FGF12: variants seen among roughly 807,000 people sequenced by gnomAD.
The protein encoded by FGF12 is fibroblast growth factor 12.
FGF12 carries 14 observed loss-of-function variants against 23.6 expected under a neutral mutation model. That is an observed-to-expected ratio of 0.59 (90% CI 0.39 to 0.93). FGF12 has a LOEUF of 0.93. Ranked by LOEUF, FGF12 falls within the 40% of genes least tolerant of loss-of-function variation. The pLI is 0.00. For missense variants in FGF12, 175 were observed against 217.8 expected, an observed-to-expected ratio of 0.80 and a Z score of 1.24; for synonymous variants, 62 against 77.3, an observed-to-expected ratio of 0.80 and a Z score of 1.04.
At chr3:192,724,107 G>A (rs934184592) in intron 2 of FGF12, among the ~76,000 whole-genome samples, 7 of 148,804 alleles carry the variant, frequency 4.7e-5, no homozygotes, top group South Asian at 2.1e-4. Context: ...AAGGAAGGAA[G>A]GAAAGAAGGA....
Position 192,251,760 on chromosome 3 carries a change from A to T in FGF12, c.229-81104T>A, listed in dbSNP as rs114665703. Among the ~76,000 whole-genome samples the T allele has an allele frequency of 6.6e-3, 1,007 of 152,280 alleles. 4 individuals carry two copies. The highest frequency in any genetic ancestry group is 0.023 in the African/African-American group (964 of 41,556). On this transcript the variant is annotated intron_variant, in intron 4 of 5. Coordinates refer to ENST00000445105, the MANE Select transcript of FGF12 (RefSeq NM_004113.6). ...AGATACAAATGGCCCATATAGTATG[A>T]TCCTATTTATATAAAGTTCAAAAAC...
chr3:192,623,610 G>A (rs1715053701), intron 2 of FGF12, among the ~76,000 whole-genome samples: 1 of 152,168 alleles, frequency 6.6e-6, no homozygotes, highest in South Asian at 2.1e-4. Context: ...TATGAATGAA[G>A]GAAACCAGAC....
chr3:192,402,445 C>T (rs1720804067), intron 2 of FGF12, among the ~76,000 whole-genome samples: 1 of 152,192 alleles, frequency 6.6e-6, no homozygotes, highest in African/African-American at 2.4e-5. Flanking sequence ...GACTCTAGAC[C>T]ACACACACAG....
rs1720346654 is a variant in FGF12 at position 192,392,591 on chromosome 3, CG to C, written c.14-32054del. ...AGCCTGGGCAACAAAAGTGAAACTC[CG>C]AGAGAGAGAGAGAGAGAGAGAGAGA... On this transcript the variant is annotated intron_variant, in intron 2 of 5. Coordinates refer to ENST00000445105, the MANE Select transcript of FGF12 (RefSeq NM_004113.6). Among the ~76,000 whole-genome samples, 195 of 41,872 alleles carry C rather than the reference CG, an allele frequency of 4.7e-3. 2 individuals are homozygous for C. Among genetic ancestry groups the C allele is most frequent in the African/African-American group, 0.022 (188 of 8,456 alleles). 27.5% of individuals were successfully genotyped at this position (41,872 alleles called of 152,430 possible). A position where few individuals can be genotyped will look rare whatever the true frequency, so the allele number is the denominator to read the frequency against.
chr3:192,324,358 C>T (rs747312098), intron 4 of FGF12, among the ~76,000 whole-genome samples: 1 of 151,992 alleles, frequency 6.6e-6, no homozygotes, highest in Non-Finnish European at 1.5e-5. Context: ...GAGATTAATC[C>T]TACAGAAACT....
At chr3:192,505,685 A>G (rs1724270144) in intron 2 of FGF12, among the ~76,000 whole-genome samples, 1 of 152,218 alleles carries the variant, frequency 6.6e-6, no homozygotes, top group South Asian at 2.1e-4. Flanking sequence ...TTTAAATAAT[A>G]TAAACACATG....
chr3:192,577,053 C>T (rs1457162435), intron 2 of FGF12, among the ~76,000 whole-genome samples: 11 of 151,854 alleles, frequency 7.2e-5, no homozygotes, highest in Non-Finnish European at 1.2e-4. Flanking sequence ...CAGGGCCTGT[C>T]GGCGGGTGGG....
At chr3:192,311,445 T>C (rs760860616) in intron 4 of FGF12, among the ~76,000 whole-genome samples, 1 of 152,220 alleles carries the variant, frequency 6.6e-6, no homozygotes, top group Non-Finnish European at 1.5e-5. Context: ...ATTTTCATGG[T>C]TCAATCTTAT....
intron 2 of FGF12, among the ~76,000 whole-genome samples, chr3:192,392,414 A>AAGATAAATAAAT (rs1720333186): frequency 7.0e-6 from 1 of 143,644 alleles, no homozygotes; most frequent in Non-Finnish European, 1.5e-5. Flanking sequence ...CTAAAAATAA[A>AAGATAAATAAAT]AAATAAATAA....
At chr3:192,550,093 G>A (rs184852825) in intron 2 of FGF12, among the ~76,000 whole-genome samples, 4 of 151,662 alleles carry the variant, frequency 2.6e-5, no homozygotes, top group Admixed American at 6.6e-5. Flanking sequence ...ATGTGTATAT[G>A]TGTGAGTGTG....
chr3:192,631,325 T>C (rs1483328851), intron 2 of FGF12, among the ~76,000 whole-genome samples: 2 of 152,184 alleles, frequency 1.3e-5, no homozygotes, highest in East Asian at 3.8e-4. Flanking sequence ...GTCCTCACAC[T>C]CCTCTAGCAT....
chr3:192,348,943 T>C (rs748572450), intron 3 of FGF12, among the ~76,000 whole-genome samples: 2 of 152,140 alleles, frequency 1.3e-5, no homozygotes, highest in Non-Finnish European at 2.9e-5. Flanking sequence ...AGTAAACAGT[T>C]ACTATTATCT....
At chr3:192,218,110 A>G (rs1718288174) in intron 4 of FGF12, among the ~76,000 whole-genome samples, 1 of 152,204 alleles carries the variant, frequency 6.6e-6, no homozygotes, top group African/African-American at 2.4e-5. Context: ...TGGGATTACA[A>G]GCGTCAGCCA....
At chr3:192,256,751 TTTA>T (rs1413940450) in intron 4 of FGF12, among the ~76,000 whole-genome samples, 2 of 152,174 alleles carry the variant, frequency 1.3e-5, no homozygotes, top group African/African-American at 4.8e-5. Flanking sequence ...CAAGTATGGT[TTTA>T]TTTGATGTAA....
rs1005029245 is a variant in FGF12 at position 192,449,215 on chromosome 3, T to C, written c.14-88677A>G. Among the ~76,000 whole-genome samples the C allele has an allele frequency of 9.8e-5, 15 of 152,310 alleles. No individual in the cohort carries two copies. In the East Asian group the frequency reaches 2.5e-3, roughly 25 times the overall value. ...TCTGTTCTTTGCAGCAAACACAATA[T>C]TAAGCTTTGTCACTAGAGGGTGCTG... On this transcript the variant is annotated intron_variant, in intron 2 of 5. Transcript: ENST00000445105.
intron 4 of FGF12, among the ~76,000 whole-genome samples, chr3:192,218,494 G>C (rs908709278): frequency 6.6e-6 from 1 of 152,110 alleles, no homozygotes; most frequent in African/African-American, 2.4e-5. Context: ...TGATCTGGTT[G>C]TTTAAAATTG....
At chr3:192,199,167 A>G (rs1717232619) in intron 4 of FGF12, among the ~76,000 whole-genome samples, 1 of 152,184 alleles carries the variant, frequency 6.6e-6, no homozygotes, top group African/African-American at 2.4e-5. Context: ...TCTTGGCCTC[A>G]CTTATTCATA....
chr3:192,260,072 C>T (rs1416379632), intron 4 of FGF12, among the ~76,000 whole-genome samples: 2 of 152,130 alleles, frequency 1.3e-5, no homozygotes, highest in African/African-American at 4.8e-5. Flanking sequence ...GATCTTCTGT[C>T]ACTTGAAGCA....
At chr3:192,242,620 CATA>C (rs776286516) in intron 4 of FGF12, among the ~76,000 whole-genome samples, 9 of 151,774 alleles carry the variant, frequency 5.9e-5, no homozygotes, top group Non-Finnish European at 1.3e-4. Context: ...GAATATAAAG[CATA>C]ATATTATATT....
Sources: gnomAD v4.1 joint callset for allele counts (sites outside exome capture counted in the v4.1 genomes callset) on GRCh38, gnomAD v4.1.1 for gene constraint, MANE v1.5 for transcripts, NCBI Gene and HGNC (gene_info 2026-07-23, HGNC 2026-07-21) for gene names.